Variants in CNPY1 observed in about 807,000 individuals in gnomAD.
The protein encoded by CNPY1 is protein canopy homolog 1.
Under a neutral mutation model 14.4 loss-of-function variants are expected in CNPY1, and 14 were observed. That is an observed-to-expected ratio of 0.97 (90% CI 0.64 to 1.52). CNPY1 has a LOEUF of 1.52. Ranked by LOEUF, CNPY1 falls within the 40% of genes most tolerant of loss-of-function variation. The pLI, the probability that CNPY1 is intolerant of heterozygous loss-of-function variation, is 0.00. For missense variants in CNPY1, 129 were observed against 131.5 expected, an observed-to-expected ratio of 0.98 and a Z score of 0.09; for synonymous variants, 43 against 46.5, an observed-to-expected ratio of 0.92 and a Z score of 0.31.
chr7:155,541,500 A>G (rs1047081197), intron 2 of CNPY1, among the ~76,000 whole-genome samples: 1 of 152,264 alleles, frequency 6.6e-6, no homozygotes, highest in Non-Finnish European at 1.5e-5. Flanking sequence ...GTTGATTACA[A>G]TAATGAGCCT....
Position 155,503,018 on chromosome 7 carries a change from G to T in CNPY1, c.*50C>A. On this transcript the variant is annotated 3_prime_UTR_variant, in exon 5 of 5. Coordinates refer to ENST00000636446, the MANE Select transcript of CNPY1 (RefSeq NM_001393663.1). ...CATGCAAACATAAAATGCAGACATT[G>T]ACCTTTGGGTGTGACTTTACTCCTC... The T allele has an allele frequency of 6.5e-7, 1 of 1,535,256 alleles. No homozygotes were observed. The highest frequency in any genetic ancestry group is 8.9e-7 in the Non-Finnish European group (1 of 1,120,638).
chr7:155,533,196 C>T (rs1489051385), intron 2 of CNPY1, among the ~76,000 whole-genome samples: 1 of 152,188 alleles, frequency 6.6e-6, no homozygotes. Context: ...GGCGCGGCCT[C>T]GCTCACCCTC....
chr7:155,538,421 G>A lies in CNPY1; in HGVS notation c.99+7410C>T, dbSNP rs1040620443. Among the ~76,000 whole-genome samples the A allele has an allele frequency of 3.9e-5, 6 of 152,126 alleles. No individual in the cohort carries two copies. In the East Asian group the frequency reaches 9.6e-4, roughly 24 times the overall value. ...GGTCTCACTGTCTCCTGGGCTCTCCGCCTTCACCCGCGTGTGACCCTGAAC... is the reference window on the plus strand; with the variant it reads ...GGTCTCACTGTCTCCTGGGCTCTCCACCTTCACCCGCGTGTGACCCTGAAC... On this transcript the variant is annotated intron_variant, in intron 2 of 4. Transcript: ENST00000636446.
At position 155,502,941 on chromosome 7, in the gene CNPY1, A is replaced by G; in HGVS notation, c.*127T>C. ...GATTTTCAAAATGAATCATAAACGG[A>G]GACAAACACGGTATAAACAAGAGAC... On this transcript the variant is annotated 3_prime_UTR_variant, in exon 5 of 5. Transcript: ENST00000636446. The G allele has an allele frequency of 2.6e-6, 2 of 756,846 alleles. No individual in the cohort carries two copies. Among genetic ancestry groups the G allele is most frequent in the Non-Finnish European group, 2.1e-6 (1 of 467,866 alleles). 46.9% of individuals were successfully genotyped at this position (756,846 alleles called of 1,614,324 possible). A position where few individuals can be genotyped will look rare whatever the true frequency, so the allele number is the denominator to read the frequency against.
chr7:155,534,820 C>T (rs909914093), intron 2 of CNPY1, among the ~76,000 whole-genome samples: 4 of 152,186 alleles, frequency 2.6e-5, no homozygotes, highest in Non-Finnish European at 2.9e-5. Flanking sequence ...AGGGAGCGGG[C>T]GCTGGGCGGC....
At chr7:155,505,920 A>G (rs530152449) in intron 4 of CNPY1, among the ~76,000 whole-genome samples, 1 of 152,342 alleles carries the variant, frequency 6.6e-6, no homozygotes, top group African/African-American at 2.4e-5. Context: ...TTAAAACTGG[A>G]TTTTAAACAG....
At chr7:155,524,335 C>T (rs1796781350) in intron 2 of CNPY1, among the ~76,000 whole-genome samples, 2 of 152,216 alleles carry the variant, frequency 1.3e-5, no homozygotes, top group Admixed American at 1.3e-4. Flanking sequence ...GGCAGGGGTC[C>T]TCAACCCCCA....
At chr7:155,540,722 T>TG (rs1797074709) in intron 2 of CNPY1, among the ~76,000 whole-genome samples, 1 of 152,226 alleles carries the variant, frequency 6.6e-6, no homozygotes, top group Admixed American at 6.5e-5. Flanking sequence ...ACACACGGCT[T>TG]GCCCTGGTCA....
chr7:155,534,772 A>G (rs1187487640), intron 2 of CNPY1, among the ~76,000 whole-genome samples: 1 of 152,228 alleles, frequency 6.6e-6, no homozygotes, highest in Non-Finnish European at 1.5e-5. Flanking sequence ...CAGTCAGGCC[A>G]CAACTAACAT....
At position 155,501,746 on chromosome 7, in the gene CNPY1, A is replaced by T. The variant is rs1796117587; in HGVS notation, c.*1322T>A. ...CGGGTGCGAGTTCGCTGGGTTATGT[A>T]GGAGCCATCAGACTTAAGCAGCCAC... is the stretch of plus-strand genomic sequence containing the variant. On this transcript the variant is annotated 3_prime_UTR_variant, in exon 5 of 5. Coordinates refer to ENST00000636446, the MANE Select transcript of CNPY1 (RefSeq NM_001393663.1). The T allele has an allele frequency of 6.6e-6, 1 of 152,216 alleles. No homozygotes were observed. The highest frequency in any genetic ancestry group is 6.5e-5 in the Admixed American group (1 of 15,276). The allele number at this position is 152,216 out of a possible 1,614,324, so 9.4% of individuals were successfully genotyped here.
chr7:155,535,771 T>C (rs1255277863), intron 2 of CNPY1, among the ~76,000 whole-genome samples: 2 of 152,154 alleles, frequency 1.3e-5, no homozygotes, highest in South Asian at 4.1e-4. Flanking sequence ...GAGGGTTCTA[T>C]GGGATCAGGG....
At chr7:155,525,341 C>T (rs141874765) in intron 2 of CNPY1, among the ~76,000 whole-genome samples, 28 of 152,178 alleles carry the variant, frequency 1.8e-4, no homozygotes, top group Admixed American at 1.0e-3. Flanking sequence ...CCATCACGGC[C>T]GGTTAATTTT....
chr7:155,507,096 C>T lies in CNPY1; in HGVS notation c.324G>A (p.Glu108=). Residue 108 remains glutamate (E), a synonymous_variant, in exon 4 of 5, where the codon GAG becomes GAA. Coordinates refer to ENST00000636446, the MANE Select transcript of CNPY1 (RefSeq NM_001393663.1). ...LKFACETIIE[E]YEDEISSLIA... is the part of the protein sequence containing the mutation. The stretch of plus-strand genomic sequence containing the variant: ...TAAGTGAGGATATTTCATCTTCATA[C>T]TCTTCTATTATAGTTTCACACTGTA... 2.5e-6 allele frequency: 4 copies of T among 1,606,362 alleles called. No individual in the cohort carries two copies. Among genetic ancestry groups the T allele is most frequent in the African/African-American group, 1.3e-5 (1 of 74,824 alleles).
Position 155,501,141 on chromosome 7 carries a change from A to G in CNPY1, c.*1927T>C, listed in dbSNP as rs949524468. On this transcript the variant is annotated 3_prime_UTR_variant, in exon 5 of 5. Coordinates refer to ENST00000636446, the MANE Select transcript of CNPY1 (RefSeq NM_001393663.1). ...GAGATATTAAAAATTTGCAAGATAC[A>G]AGACTATTTTTAATGGGAAATCCAA... 5.3e-5 allele frequency: 8 copies of G among 152,218 alleles called. No homozygotes were observed. Among genetic ancestry groups the G allele is most frequent in the African/African-American group, 1.9e-4 (8 of 41,460 alleles). 9.4% of individuals were successfully genotyped at this position (152,218 alleles called of 1,614,324 possible). A position where few individuals can be genotyped will look rare whatever the true frequency, so the allele number is the denominator to read the frequency against.
chr7:155,506,722 G>C, intron 4 of CNPY1: 1 of 325,364 alleles, frequency 3.1e-6, no homozygotes, highest in Middle Eastern at 9.2e-4. Flanking sequence ...AAAGTGCTTT[G>C]GAGTCTTCTA....
At chr7:155,504,069 C>A (rs954500973) in intron 4 of CNPY1, among the ~76,000 whole-genome samples, 2 of 152,168 alleles carry the variant, frequency 1.3e-5, no homozygotes, top group Non-Finnish European at 2.9e-5. Context: ...ATCTAATGAA[C>A]TTGCCTTTAT....
chr7:155,527,054 CT>C (rs764084944), intron 2 of CNPY1, among the ~76,000 whole-genome samples: 1 of 90,342 alleles, frequency 1.1e-5, no homozygotes, highest in African/African-American at 5.1e-5. Context: ...TTCTTTCTTT[CT>C]TTTTTTTTTT....
At chr7:155,516,071 T>C (rs768968148) in intron 2 of CNPY1, among the ~76,000 whole-genome samples, 2 of 152,124 alleles carry the variant, frequency 1.3e-5, no homozygotes, top group African/African-American at 4.8e-5. Flanking sequence ...TGTCTATTGC[T>C]TTGTCTTTGT....
chr7:155,542,979 G>C (rs1490643816), intron 2 of CNPY1, among the ~76,000 whole-genome samples: 1 of 152,068 alleles, frequency 6.6e-6, no homozygotes, highest in Non-Finnish European at 1.5e-5. Context: ...AGTGCCGAGA[G>C]GCCACTCACT....
Sources: allele counts gnomAD v4.1 joint callset (sites outside exome capture counted in the v4.1 genomes callset), GRCh38; gene constraint gnomAD v4.1.1; transcripts MANE v1.5; gene names NCBI Gene and HGNC (gene_info 2026-07-23, HGNC 2026-07-21).